Variants in CRIM1 observed in about 807,000 individuals in gnomAD.
CRIM1 encodes cysteine rich transmembrane BMP regulator 1.
A neutral mutation model predicts 116.4 loss-of-function variants in CRIM1; 32 were observed. The observed-to-expected ratio is 0.27, with a 90% CI of 0.21 to 0.37. The LOEUF is 0.37. CRIM1 is among the 10% of genes least tolerant of loss of function. The pLI, the probability that CRIM1 is intolerant of heterozygous loss-of-function variation, is 1.00. For synonymous variants in CRIM1, 590 were observed against 509.2 expected (o/e 1.16, Z -2.13); for missense variants, 1,331 against 1,354.8 (o/e 0.98, Z 0.28).
intron 8 of CRIM1, among the ~76,000 whole-genome samples, chr2:36,505,240 A>C (rs1158175746): frequency 6.6e-6 from 1 of 152,216 alleles, no homozygotes; most frequent in Non-Finnish European, 1.5e-5. Flanking sequence ...AGCATCTAAG[A>C]GTTTAAAATA....
chr2:36,506,606 A>G lies in CRIM1; in HGVS notation c.1502-3377A>G, dbSNP rs369035982. 5.9e-5 allele frequency among the ~76,000 whole-genome samples: 9 copies of G among 152,116 alleles called. No homozygotes were observed. The East Asian group carries it at 1.7e-3, about 29-fold the overall frequency. ...AACAGAGTTTTACTACATAGTTGCT[A>G]TCGACCGGCCATGCTGTACAGGCCC... On this transcript the variant is annotated intron_variant, in intron 8 of 16. Transcript: ENST00000280527.
chr2:36,472,714 TA>T (rs1002740536), intron 5 of CRIM1, among the ~76,000 whole-genome samples: 4 of 152,204 alleles, frequency 2.6e-5, no homozygotes, highest in African/African-American at 9.7e-5. Flanking sequence ...TTGATTGGTT[TA>T]TTTTTTTTAG....
chr2:36,444,047 T>A (rs1157871222), intron 4 of CRIM1, among the ~76,000 whole-genome samples: 1 of 152,196 alleles, frequency 6.6e-6, no homozygotes, highest in Non-Finnish European at 1.5e-5. Flanking sequence ...AAATGGAGCA[T>A]CGCTAACAGT....
chr2:36,451,768 G>A (rs757075761), intron 4 of CRIM1, among the ~76,000 whole-genome samples: 4 of 152,184 alleles, frequency 2.6e-5, no homozygotes, highest in African/African-American at 4.8e-5. Context: ...AACACAGTGC[G>A]CATCAACCCA....
intron 2 of CRIM1, among the ~76,000 whole-genome samples, chr2:36,438,485 C>T (rs1191357129): frequency 6.6e-6 from 1 of 152,202 alleles, no homozygotes; most frequent in African/African-American, 2.4e-5. Flanking sequence ...CTCCTCCACA[C>T]TGATGGGGCT....
At chr2:36,420,216 C>A (rs192438988) in intron 2 of CRIM1, among the ~76,000 whole-genome samples, 2 of 152,246 alleles carry the variant, frequency 1.3e-5, no homozygotes, top group South Asian at 4.1e-4. Context: ...AAAAACAAAT[C>A]TCCTATTTTT....
chr2:36,526,672 C>T (rs1001455837), intron 13 of CRIM1, among the ~76,000 whole-genome samples: 1 of 152,148 alleles, frequency 6.6e-6, no homozygotes, highest in Non-Finnish European at 1.5e-5. Context: ...ATGCTTCTGC[C>T]CATACTGAGT....
chr2:36,485,282 C>G lies in CRIM1; in HGVS notation c.1372+5588C>G, dbSNP rs147434068. The stretch of plus-strand genomic sequence containing the variant: ...ATCTCTTACTTAGGGAATCCTGGTC[C>G]TACTTGGGACAGTGTTGAAGACTGG... On this transcript the variant is annotated intron_variant, in intron 7 of 16. Coordinates refer to ENST00000280527, the MANE Select transcript of CRIM1 (RefSeq NM_016441.3). Among the ~76,000 whole-genome samples, 571 of 152,294 alleles carry G rather than the reference C, an allele frequency of 3.7e-3. 3 individuals are homozygous for G. The highest frequency in any genetic ancestry group is 0.013 in the African/African-American group (551 of 41,570).
intron 1 of CRIM1, among the ~76,000 whole-genome samples, chr2:36,382,669 G>C (rs893806765): frequency 3.9e-5 from 6 of 152,256 alleles, no homozygotes; most frequent in African/African-American, 1.4e-4. Context: ...GGTCCAGTGT[G>C]ATGCTCCAGG....
At chr2:36,484,512 C>T (rs1679673553) in intron 7 of CRIM1, among the ~76,000 whole-genome samples, 1 of 152,034 alleles carries the variant, frequency 6.6e-6, no homozygotes, top group South Asian at 2.1e-4. Flanking sequence ...CGTGATTACT[C>T]AATAAGAAAA....
intron 7 of CRIM1, 125 bp downstream of exon 7, chr2:36,479,819 C>A: frequency 1.1e-6 from 1 of 893,260 alleles, no homozygotes; most frequent in Non-Finnish European, 1.8e-6. Context: ...TTACCAGTTG[C>A]CAACAAATTT....
intron 2 of CRIM1, among the ~76,000 whole-genome samples, chr2:36,401,453 T>C (rs1672397456): frequency 6.6e-6 from 1 of 152,208 alleles, no homozygotes; most frequent in Admixed American, 6.5e-5. Context: ...TTACTACTTA[T>C]TCATCAGTGA....
intron 1 of CRIM1, among the ~76,000 whole-genome samples, chr2:36,374,070 TTGC>T (rs1402814704): frequency 6.6e-6 from 1 of 152,194 alleles, no homozygotes; most frequent in Non-Finnish European, 1.5e-5. Context: ...AGGTTTATAG[TTGC>T]TGATGTCCTA....
chr2:36,545,730 A>G (rs1410761235), intron 15 of CRIM1, among the ~76,000 whole-genome samples: 1 of 152,066 alleles, frequency 6.6e-6, no homozygotes, highest in Admixed American at 6.6e-5. Flanking sequence ...TTGCAGCTTC[A>G]TTTTTCTTTC....
intron 15 of CRIM1, among the ~76,000 whole-genome samples, chr2:36,546,165 AT>A (rs1667311605): frequency 1.3e-5 from 2 of 152,312 alleles, no homozygotes; most frequent in South Asian, 4.1e-4. Flanking sequence ...AACTAAATTG[AT>A]TTTTAATGCA....
intron 1 of CRIM1, among the ~76,000 whole-genome samples, chr2:36,387,913 TTAC>T (rs1297225748): frequency 1.3e-5 from 2 of 152,196 alleles, no homozygotes; most frequent in Admixed American, 1.3e-4. Context: ...TTCTTTGGAC[TTAC>T]TCTGTTGCTC....
At chr2:36,510,531 A>G (rs1664589170) in intron 9 of CRIM1, among the ~76,000 whole-genome samples, 1 of 152,206 alleles carries the variant, frequency 6.6e-6, no homozygotes, top group Non-Finnish European at 1.5e-5. Flanking sequence ...TTTAAGATCA[A>G]TTGAAGACCG....
intron 2 of CRIM1, among the ~76,000 whole-genome samples, chr2:36,412,284 A>AGGG (rs1673270593): frequency 2.0e-5 from 3 of 147,912 alleles, no homozygotes; most frequent in African/African-American, 5.0e-5. Context: ...ATGGGGGCGC[A>AGGG]GGGGGTGGGG....
intron 7 of CRIM1, among the ~76,000 whole-genome samples, chr2:36,486,112 A>G (rs1679798015): frequency 6.6e-6 from 1 of 152,238 alleles, no homozygotes; most frequent in African/African-American, 2.4e-5. Context: ...CAATAAAACT[A>G]GAATATAGGT....
Sources: gnomAD v4.1 joint callset for allele counts (sites outside exome capture counted in the v4.1 genomes callset) on GRCh38, gnomAD v4.1.1 for gene constraint, MANE v1.5 for transcripts, NCBI Gene and HGNC (gene_info 2026-07-23, HGNC 2026-07-21) for gene names.